The following BCAS4 variants were observed in gnomAD, a reference collection of about 807,000 sequenced individuals.
The protein encoded by BCAS4 is breast carcinoma amplified sequence 4, also known as breast carcinoma-amplified sequence 4.
A neutral mutation model predicts 15.7 loss-of-function variants in BCAS4; 9 were observed. The ratio of observed to expected loss-of-function variants is 0.57; its 90% CI spans 0.34 to 1.00. The LOEUF (loss-of-function observed/expected upper bound fraction) is 1.00. Ranked by LOEUF, BCAS4 falls within the 50% of genes least tolerant of loss-of-function variation. BCAS4 has a pLI of 0.02. For missense variants in BCAS4, 225 were observed against 239.1 expected (o/e 0.94, Z 0.39); for synonymous variants, 101 against 99.5 (o/e 1.02, Z -0.09).
At chr20:50,811,931 T>A (rs1455201941) in intron 1 of BCAS4, among the ~76,000 whole-genome samples, 1 of 152,154 alleles carries the variant, frequency 6.6e-6, no homozygotes, top group African/African-American at 2.4e-5. Context: ...CCTGGACATT[T>A]CTTGTAAGTG....
chr20:50,802,237 GGTGTTAGAATGTACT>G (rs1454394302), intron 1 of BCAS4, among the ~76,000 whole-genome samples: 1 of 152,136 alleles, frequency 6.6e-6, no homozygotes, highest in Non-Finnish European at 1.5e-5. Flanking sequence ...ACGTGGCTGC[GGTGTTAGAATGTACT>G]GGGGGGACCG....
chr20:50,820,118 A>C (rs1187454412), intron 2 of BCAS4, among the ~76,000 whole-genome samples: 2 of 152,142 alleles, frequency 1.3e-5, no homozygotes, highest in African/African-American at 4.8e-5. Flanking sequence ...GCTGGGATTG[A>C]TTATAGGCGT....
intron 4 of BCAS4, among the ~76,000 whole-genome samples, chr20:50,869,531 A>G (rs1185550013): frequency 6.6e-6 from 1 of 152,198 alleles, no homozygotes; most frequent in Non-Finnish European, 1.5e-5. Flanking sequence ...TGGTCACCCA[A>G]GAACAGCCAA....
chr20:50,803,811 A>C (rs2087957161), intron 1 of BCAS4, among the ~76,000 whole-genome samples: 1 of 151,756 alleles, frequency 6.6e-6, no homozygotes, highest in Admixed American at 6.6e-5. Context: ...CAAAAAAAAA[A>C]AAAAAAAAAG....
chr20:50,799,830 C>T lies in BCAS4; in HGVS notation c.90+4657C>T, dbSNP rs147419910. Reference sequence around the variant, plus strand: ...TAGCACTTTGGGAGGCTGAGGTGGGCGGATCCTTTGTACCCAGGAGTTCGA... The same window carrying T: ...TAGCACTTTGGGAGGCTGAGGTGGGTGGATCCTTTGTACCCAGGAGTTCGA... On this transcript the variant is annotated intron_variant, in intron 1 of 4. Coordinates refer to ENST00000371608, the MANE Select transcript of BCAS4 (RefSeq NM_198799.4). 3.4e-3 allele frequency among the ~76,000 whole-genome samples: 522 copies of T among 152,198 alleles called. 2 individuals are homozygous for T. Among genetic ancestry groups the T allele is most frequent in the African/African-American group, 0.012 (495 of 41,538 alleles).
intron 4 of BCAS4, among the ~76,000 whole-genome samples, chr20:50,845,581 TCTCCTGGTCTCTC>T: frequency 6.6e-6 from 1 of 152,260 alleles, no homozygotes; most frequent in East Asian, 1.9e-4. Flanking sequence ...CTTTGGTTTC[TCTCCTGGTCTCTC>T]CCCCAGGACC....
intron 4 of BCAS4, among the ~76,000 whole-genome samples, chr20:50,863,240 A>G (rs1375254819): frequency 6.9e-6 from 1 of 144,658 alleles, no homozygotes; most frequent in Non-Finnish European, 1.5e-5. Context: ...TCCCAGAGCT[A>G]ACTGGTGCTT....
intron 2 of BCAS4, among the ~76,000 whole-genome samples, chr20:50,823,313 C>T (rs974603392): frequency 6.6e-6 from 1 of 151,988 alleles, no homozygotes; most frequent in African/African-American, 2.4e-5. Context: ...GCACTCCAGC[C>T]TCGGTGACAG....
chr20:50,861,731 C>G (rs1600897801), intron 4 of BCAS4, among the ~76,000 whole-genome samples: 1 of 152,134 alleles, frequency 6.6e-6, no homozygotes, highest in African/African-American at 2.4e-5. Flanking sequence ...GGCCGCTCAT[C>G]CCTGCTTCCC....
At chr20:50,855,675 C>T (rs972035331) in intron 4 of BCAS4, among the ~76,000 whole-genome samples, 2 of 152,006 alleles carry the variant, frequency 1.3e-5, no homozygotes, top group African/African-American at 4.8e-5. Context: ...GCCGTGGGCA[C>T]CCATTGCCCT....
At chr20:50,877,208 T>C (rs6096146), downstream of BCAS4, 22,406 of 151,802 alleles carry the variant, frequency 0.15, 3,271 homozygotes, top group African/African-American at 0.37. Context: ...TGACGGGGAG[T>C]GATAGTTTCC....
chr20:50,804,510 G>A (rs78309623), intron 1 of BCAS4, among the ~76,000 whole-genome samples: 2,957 of 152,340 alleles, frequency 0.019, 102 homozygotes, highest in African/African-American at 0.068. Context: ...CTGTCACAGA[G>A]TGTCCTGCAA....
chr20:50,842,358 C>T (rs2088495226), intron 4 of BCAS4, among the ~76,000 whole-genome samples: 2 of 152,318 alleles, frequency 1.3e-5, no homozygotes, highest in African/African-American at 4.8e-5. Context: ...TCTTCCTCAT[C>T]TCTCCTCTGT....
At chr20:50,822,956 C>T (rs1275005846) in intron 2 of BCAS4, among the ~76,000 whole-genome samples, 1 of 152,022 alleles carries the variant, frequency 6.6e-6, no homozygotes, top group Non-Finnish European at 1.5e-5. Flanking sequence ...GTGCTTAACC[C>T]ACATCCCAGC....
chr20:50,823,343 G>T (rs1286000497), intron 2 of BCAS4, among the ~76,000 whole-genome samples: 1 of 150,948 alleles, frequency 6.6e-6, no homozygotes, highest in Non-Finnish European at 1.5e-5. Context: ...CCGTCCCCCC[G>T]GCCCAAAAAA....
intron 1 of BCAS4, among the ~76,000 whole-genome samples, chr20:50,811,350 G>A (rs2088060482): frequency 6.6e-6 from 1 of 152,050 alleles, no homozygotes; most frequent in African/African-American, 2.4e-5. Flanking sequence ...GGATGACAGA[G>A]TGAGACCCTG....
intron 4 of BCAS4, among the ~76,000 whole-genome samples, chr20:50,871,007 T>C (rs932337249): frequency 1.2e-4 from 19 of 152,140 alleles, no homozygotes; most frequent in African/African-American, 4.6e-4. Flanking sequence ...GGTGGGGAGC[T>C]GGATTCCAAA....
intron 2 of BCAS4, among the ~76,000 whole-genome samples, chr20:50,829,400 A>G (rs2088316124): frequency 1.3e-5 from 2 of 151,804 alleles, no homozygotes; most frequent in Non-Finnish European, 2.9e-5. Flanking sequence ...GTGCTACCAC[A>G]CCCAGCTAAT....
rs1182866189 is a variant in BCAS4, at chr20:50,795,112, A to G, written c.29A>G (p.Glu10Gly). The G allele has an allele frequency of 6.7e-7, 1 of 1,494,694 alleles. No homozygotes were observed. Among genetic ancestry groups the G allele is most frequent in the South Asian group, 1.3e-5 (1 of 79,356 alleles). 92.6% of individuals were successfully genotyped at this position (1,494,694 alleles called of 1,614,324 possible). A position where few individuals can be genotyped will look rare whatever the true frequency, so the allele number is the denominator to read the frequency against. MLLVDADQP[E>G]PMRSGARELA... Reference sequence around the variant, plus strand: ...CTGCTCGTGGACGCTGATCAGCCGGAGCCCATGCGCAGCGGGGCGCGCGAG... The same window carrying G: ...CTGCTCGTGGACGCTGATCAGCCGGGGCCCATGCGCAGCGGGGCGCGCGAG... The change falls in exon 1 of 5, where the codon GAG (glutamate) becomes GGG (glycine). Residue 10 changes from glutamate to glycine, a missense_variant. Transcript: ENST00000371608.
Sources: gnomAD v4.1 joint callset for allele counts (sites outside exome capture counted in the v4.1 genomes callset) on GRCh38, gnomAD v4.1.1 for gene constraint, MANE v1.5 for transcripts, NCBI Gene and HGNC (gene_info 2026-07-23, HGNC 2026-07-21) for gene names.